LMLN: variants seen among roughly 807,000 people sequenced by gnomAD.
LMLN encodes leishmanolysin like peptidase, also known as leishmanolysin-like peptidase.
In LMLN, 70 loss-of-function variants were observed where a neutral mutation model predicts 92.3. The ratio of observed to expected loss-of-function variants is 0.76; its 90% CI spans 0.63 to 0.92. LMLN has a LOEUF of 0.92. Ranked by LOEUF, LMLN falls within the 40% of genes least tolerant of loss-of-function variation. The pLI is 0.00. For missense variants in LMLN, 691 were observed against 814.6 expected (o/e 0.85, Z 1.85); for synonymous variants, 308 against 296.2 (o/e 1.04, Z -0.41).
In LMLN at chr3:197,984,021, A is replaced by G. The variant is rs780811465; in HGVS notation, c.807A>G (p.Thr269=). 9.9e-6 allele frequency: 16 copies of G among 1,612,760 alleles called. No homozygotes were observed. The Admixed American group carries it at 1.0e-4, about 10-fold the overall frequency. Residue 269 remains threonine (T), a synonymous_variant, in exon 7 of 16, where the codon ACA becomes ACG. Transcript: ENST00000330198. ...AGGAGTTTGTTGGGATGCTGTCCAC[A>G]GTGAAACATGAGGTTATTCATGCCC...
intron 10 of LMLN, among the ~76,000 whole-genome samples, chr3:197,998,170 T>C (rs1722078443): frequency 6.6e-6 from 1 of 152,160 alleles, no homozygotes; most frequent in South Asian, 2.1e-4. Flanking sequence ...AAGACCACAA[T>C]AGACAGATGG....
chr3:197,996,123 C>A, intron 9 of LMLN, 52 bp from the exon 10 acceptor site: 1 of 975,954 alleles, frequency 1.0e-6, no homozygotes, highest in South Asian at 1.8e-5. Flanking sequence ...TTGCTGTTAT[C>A]TTACGGTACT....
intron 6 of LMLN, among the ~76,000 whole-genome samples, chr3:197,981,062 C>T (rs552228115): frequency 2.0e-5 from 3 of 151,734 alleles, no homozygotes; most frequent in South Asian, 2.1e-4. Context: ...GTGATCATGC[C>T]ACTGCACTCC....
At position 197,999,675 on chromosome 3, in the gene LMLN, G is replaced by A. The variant is rs538949625; in HGVS notation, c.1232+333G>A. 1.4e-3 allele frequency: 310 copies of A among 215,290 alleles called. 1 individual carries two copies. The highest frequency in any genetic ancestry group is 6.7e-3 in the African/African-American group (291 of 43,276). The allele number at this position is 215,290 out of a possible 1,614,324, so 13.3% of individuals were successfully genotyped here. A position where few individuals can be genotyped will look rare whatever the true frequency, so the allele number is the denominator to read the frequency against. On this transcript the variant is annotated intron_variant, in intron 11 of 15. Transcript: ENST00000330198. The stretch of plus-strand genomic sequence containing the variant: ...CCTGCGTGGCTGGGACTACAGGCAC[G>A]TGCCACCATGCCTGGCTAACTGTGT...
intron 10 of LMLN, among the ~76,000 whole-genome samples, chr3:197,997,935 C>T (rs1722073670): frequency 6.6e-6 from 1 of 152,192 alleles, no homozygotes. Flanking sequence ...CTGTGATACC[C>T]AGGATGGGGT....
At chr3:197,995,736 T>C (rs548260711) in intron 9 of LMLN, among the ~76,000 whole-genome samples, 48 of 152,204 alleles carry the variant, frequency 3.2e-4, no homozygotes, top group African/African-American at 7.2e-4. Context: ...ATTTAAAATA[T>C]TCTCACAAAA....
intron 7 of LMLN, among the ~76,000 whole-genome samples, chr3:197,984,478 G>GGGC (rs1365638465): frequency 6.7e-6 from 1 of 149,286 alleles, no homozygotes; most frequent in East Asian, 2.0e-4. Context: ...GCAGAGCCCT[G>GGGC]GGCTGCTGCT....
chr3:198,023,855 G>A (rs542929079), intron 13 of LMLN, among the ~76,000 whole-genome samples: 23 of 152,302 alleles, frequency 1.5e-4, no homozygotes, highest in Non-Finnish European at 2.5e-4. Context: ...AAAGTAATGC[G>A]AAAACCGCAA....
At chr3:197,968,092 C>T (rs530361394) in intron 1 of LMLN, among the ~76,000 whole-genome samples, 1 of 152,298 alleles carries the variant, frequency 6.6e-6, no homozygotes, top group African/African-American at 2.4e-5. Flanking sequence ...ATACAATTAT[C>T]ACAGTGGTCC....
exon 5 of LMLN, chr3:197,976,707 C>A: frequency 6.6e-7 from 1 of 1,515,000 alleles, no homozygotes; most frequent in South Asian, 1.2e-5. Flanking sequence ...TCCTGAGGAA[C>A]ATCTCCAGGT....
intron 14 of LMLN, among the ~76,000 whole-genome samples, chr3:198,026,817 T>G (rs1722946079): frequency 6.6e-6 from 1 of 152,178 alleles, no homozygotes; most frequent in Non-Finnish European, 1.5e-5. Context: ...CTAATTATAC[T>G]GTTCATTGCT....
exon 1 of LMLN, chr3:197,960,350 G>C: frequency 6.2e-7 from 1 of 1,613,952 alleles, no homozygotes; most frequent in Non-Finnish European, 8.5e-7. Flanking sequence ...TTTTACTCCT[G>C]TTGGGCGGGC....
chr3:197,997,553 A>G (rs1205125380), intron 10 of LMLN, among the ~76,000 whole-genome samples: 7 of 152,374 alleles, frequency 4.6e-5, no homozygotes, highest in South Asian at 2.1e-4. Context: ...TGAGAACCAT[A>G]CAGTAAACAC....
intron 7 of LMLN, among the ~76,000 whole-genome samples, chr3:197,985,310 T>G (rs1721674114): frequency 6.6e-6 from 1 of 151,140 alleles, no homozygotes; most frequent in African/African-American, 2.4e-5. Context: ...TCCCAGAACT[T>G]TGGGAGGATT....
In LMLN at chr3:197,986,416, C is replaced by T. The variant is rs1416371572; in HGVS notation, c.929+526C>T. Among the ~76,000 whole-genome samples the T allele has an allele frequency of 3.3e-5, 5 of 152,214 alleles. No individual in the cohort carries two copies. In the East Asian group the frequency reaches 5.8e-4, roughly 18 times the overall value. The stretch of plus-strand genomic sequence containing the variant: ...CTGAGGCTACAGTGAGCTGTGATGA[C>T]GCATCTGCACTCCAGCCTGGGTGAC... On this transcript the variant is annotated intron_variant, in intron 8 of 15. Transcript: ENST00000330198.
chr3:197,966,289 G>C (rs555613291), intron 1 of LMLN, among the ~76,000 whole-genome samples: 4 of 152,064 alleles, frequency 2.6e-5, no homozygotes, highest in Non-Finnish European at 4.4e-5. Flanking sequence ...TGATCCACCC[G>C]CCTCAGCCTC....
intron 6 of LMLN, 69 bp from the exon 7 acceptor site, chr3:197,983,874 A>T: frequency 1.9e-6 from 2 of 1,038,974 alleles, no homozygotes; most frequent in South Asian, 1.3e-5. Flanking sequence ...GCAGTATTTG[A>T]TGGAGAAGTA....
chr3:197,981,511 G>T, intron 6 of LMLN, among the ~76,000 whole-genome samples: 1 of 152,220 alleles, frequency 6.6e-6, no homozygotes, highest in Non-Finnish European at 1.5e-5. Flanking sequence ...AATAATGACT[G>T]TTCATCTAAT....
intron 13 of LMLN, among the ~76,000 whole-genome samples, chr3:198,022,631 G>C (rs1722813120): frequency 6.6e-6 from 1 of 152,240 alleles, no homozygotes; most frequent in African/African-American, 2.4e-5. Flanking sequence ...CAAGGCAGGT[G>C]AATTGCTTGA....
Sources: gnomAD v4.1 joint callset for allele counts (sites outside exome capture counted in the v4.1 genomes callset) on GRCh38, gnomAD v4.1.1 for gene constraint, MANE v1.5 for transcripts, NCBI Gene and HGNC (gene_info 2026-07-23, HGNC 2026-07-21) for gene names.